PLB1: variants seen among roughly 807,000 people sequenced by gnomAD.
PLB1 encodes phospholipase B1.
In PLB1, 242 loss-of-function variants were observed where a neutral mutation model predicts 227.4. The observed-to-expected ratio is 1.06, with a 90% CI of 0.96 to 1.18. The LOEUF is 1.18. Among genes scored for constraint, PLB1 ranks in the 50% most tolerant of loss-of-function variants. PLB1 has a pLI of 0.00. For missense variants in PLB1, 1,858 were observed against 1,816.3 expected, an observed-to-expected ratio of 1.02 and a Z score of -0.42; for synonymous variants, 757 against 682.2, an observed-to-expected ratio of 1.11 and a Z score of -1.71.
chr2:28,598,589 C>A (rs1558876667), intron 34 of PLB1, 63 bp from the exon 35 acceptor site: 5 of 1,318,830 alleles, frequency 3.8e-6, no homozygotes, highest in Non-Finnish European at 5.5e-6. Flanking sequence ...TCCCACAGTA[C>A]CAGAGAAGCT....
chr2:28,604,272 C>T (rs1345019089), intron 40 of PLB1, among the ~76,000 whole-genome samples: 2 of 152,148 alleles, frequency 1.3e-5, no homozygotes, highest in African/African-American at 2.4e-5. Context: ...CCCTCATGGC[C>T]CAGCTACCGT....
chr2:28,591,288 A>G, intron 30 of PLB1, 117 bp downstream of exon 30: 4 of 1,293,146 alleles, frequency 3.1e-6, no homozygotes, highest in Non-Finnish European at 4.5e-6. Flanking sequence ...ATGGGCATAA[A>G]GGCCACCCAC....
At chr2:28,594,155 G>A (rs1573272104) in intron 33 of PLB1, 2 of 475,332 alleles carry the variant, frequency 4.2e-6, no homozygotes, top group East Asian at 1.3e-4. Flanking sequence ...TAGTCACACA[G>A]CTGCCTTTAC....
intron 15 of PLB1, 139 bp from the exon 16 acceptor site, chr2:28,549,871 A>C (rs1260384026): frequency 6.5e-6 from 4 of 614,758 alleles, no homozygotes; most frequent in Non-Finnish European, 1.2e-5. Context: ...GAGAAGAGCC[A>C]GAGAATGGTT....
intron 21 of PLB1, 28 bp downstream of exon 21, chr2:28,573,333 C>T (rs1285934597): frequency 1.9e-6 from 3 of 1,540,926 alleles, no homozygotes; most frequent in Non-Finnish European, 2.7e-6. Context: ...GGGCGGTGAA[C>T]AGCACAGGTC....
chr2:28,527,364 G>A (rs1386856394), intron 6 of PLB1, among the ~76,000 whole-genome samples: 3 of 152,212 alleles, frequency 2.0e-5, no homozygotes, highest in African/African-American at 7.2e-5. Context: ...GGAGGGAGGA[G>A]TGGAGACCAC....
chr2:28,579,170 T>C (rs908894457), intron 22 of PLB1, among the ~76,000 whole-genome samples: 22 of 152,218 alleles, frequency 1.4e-4, no homozygotes, highest in Admixed American at 1.4e-3. Flanking sequence ...AGTGTGAGTA[T>C]TCCAAATTTG....
rs529212175 is a variant in PLB1, at chr2:28,591,301, G to A, written c.2127+130G>A. 2.8e-5 allele frequency: 32 copies of A among 1,143,274 alleles called. No homozygotes were observed. The South Asian group carries it at 4.0e-4, about 14-fold the overall frequency. 70.8% of individuals were successfully genotyped at this position (1,143,274 alleles called of 1,614,324 possible). On this transcript the variant is annotated intron_variant, in intron 30 of 57. Transcript: ENST00000327757. ...AGATGGGCATAAAGGCCACCCACCT[G>A]ACCTTCAGATGGGGTAGTGGGCAGA...
chr2:28,499,111 GTT>G (rs1666798279), intron 1 of PLB1, among the ~76,000 whole-genome samples: 1 of 147,398 alleles, frequency 6.8e-6, no homozygotes, highest in Admixed American at 6.8e-5. Flanking sequence ...ATTTTGAAAT[GTT>G]TGTTATTGAT....
intron 45 of PLB1, among the ~76,000 whole-genome samples, chr2:28,618,071 T>A (rs1686446493): frequency 6.6e-6 from 1 of 152,176 alleles, no homozygotes; most frequent in Admixed American, 6.5e-5. Context: ...TCTACCTGCC[T>A]GTGCTACATG....
At chr2:28,566,599 G>A (rs751577727) in intron 19 of PLB1, 197 bp from the exon 20 acceptor site, 8 of 554,208 alleles carry the variant, frequency 1.4e-5, no homozygotes, top group Non-Finnish European at 2.3e-5. Flanking sequence ...CGTTTTGTTT[G>A]GATGTGCTGG....
intron 9 of PLB1, among the ~76,000 whole-genome samples, chr2:28,535,809 T>TA (rs1181918258): frequency 2.6e-5 from 4 of 152,092 alleles, no homozygotes; most frequent in Admixed American, 6.5e-5. Flanking sequence ...TAGTCCTAGC[T>TA]ACTCGGGAGG....
At chr2:28,583,942 C>G (rs2148273908) in intron 25 of PLB1, among the ~76,000 whole-genome samples, 1 of 152,276 alleles carries the variant, frequency 6.6e-6, no homozygotes, top group African/African-American at 2.4e-5. Flanking sequence ...CCAGGACCGT[C>G]AGGAATAAGA....
At chr2:28,568,461 G>C (rs1206694130) in intron 20 of PLB1, among the ~76,000 whole-genome samples, 1 of 152,242 alleles carries the variant, frequency 6.6e-6, no homozygotes, top group Non-Finnish European at 1.5e-5. Flanking sequence ...TCTTGCTAGA[G>C]ATGTGAAGAC....
chr2:28,631,103 A>T (rs1314269779), intron 54 of PLB1, among the ~76,000 whole-genome samples: 1 of 151,430 alleles, frequency 6.6e-6, no homozygotes. Context: ...GCTGTTAGCT[A>T]TGATGATGCC....
rs1688697061 is a variant in PLB1, at chr2:28,632,022, C to G, written c.3898-14C>G. ...TTGCCAGGAGGGTTGAGCAGCTTCT[C>G]TCTCTGTCCCCAGCATGGCATCTCC... On this transcript the variant is annotated splice_polypyrimidine_tract_variant and intron_variant, in intron 54 of 57. Transcript: ENST00000327757. 6.2e-7 allele frequency: 1 copy of G among 1,607,660 alleles called. No homozygotes were observed. Among genetic ancestry groups the G allele is most frequent in the Non-Finnish European group, 8.5e-7 (1 of 1,174,386 alleles).
At chr2:28,551,843 AT>A (rs1276729811) in intron 16 of PLB1, among the ~76,000 whole-genome samples, 1 of 152,220 alleles carries the variant, frequency 6.6e-6, no homozygotes, top group Non-Finnish European at 1.5e-5. Flanking sequence ...TGCTATCATT[AT>A]CATTGGATAA....
At position 28,573,258 on chromosome 2, in the gene PLB1, C is replaced by T; in HGVS notation, c.1386C>T (p.Thr462=). ...TCTCTGTTGGCACTGGGAAAGAAAC[C>T]AGTCCTAATGCCTTCTTAAACCAGG... The part of the protein sequence containing the change: ...KGFSVGTGKE[T]SPNAFLNQAV... The change falls in exon 21 of 58, where the codon ACC becomes ACT. Residue 462 remains threonine, a synonymous_variant. Coordinates refer to ENST00000327757, the MANE Select transcript of PLB1 (RefSeq NM_153021.5). 6.2e-7 allele frequency: 1 copy of T among 1,614,166 alleles called. No individual in the cohort carries two copies. Among genetic ancestry groups the T allele is most frequent in the Non-Finnish European group, 8.5e-7 (1 of 1,180,026 alleles).
intron 57 of PLB1, among the ~76,000 whole-genome samples, chr2:28,641,704 G>A (rs1689995061): frequency 6.6e-6 from 1 of 152,102 alleles, no homozygotes; most frequent in African/African-American, 2.4e-5. Context: ...TCTGTTCCTG[G>A]AGCCTGCAAT....
Sources: allele counts gnomAD v4.1 joint callset (sites outside exome capture counted in the v4.1 genomes callset), GRCh38; gene constraint gnomAD v4.1.1; transcripts MANE v1.5; gene names NCBI Gene and HGNC (gene_info 2026-07-23, HGNC 2026-07-21).